Variants in HSPA5 observed in about 807,000 individuals in gnomAD.
The protein encoded by HSPA5 is heat shock protein family A (Hsp70) member 5.
Under a neutral mutation model 49.5 loss-of-function variants are expected in HSPA5, and 16 were observed. That is an observed-to-expected ratio of 0.32 (90% CI 0.22 to 0.49). The LOEUF (loss-of-function observed/expected upper bound fraction) is 0.49. Among genes scored for constraint, HSPA5 ranks in the 20% least tolerant of loss-of-function variants. The probability of loss-of-function intolerance (pLI) is 0.99; values close to 1 mark genes in which losing one functional copy is unlikely to be tolerated. For missense variants in HSPA5, 376 were observed against 819.0 expected, an observed-to-expected ratio of 0.46 and a Z score of 6.60; for synonymous variants, 271 against 307.2, an observed-to-expected ratio of 0.88 and a Z score of 1.23.
rs768167536 is a variant in HSPA5, at chr9:125,237,075, G to A, written c.1482C>T (p.Val494=). The change falls in exon 8 of 8, where the codon GTC becomes GTT. Residue 494 remains valine (V), a synonymous_variant. Coordinates refer to ENST00000324460, the MANE Select transcript of HSPA5 (RefSeq NM_005347.5). The part of the protein sequence containing the change: ...LTGIPPAPRG[V]PQIEVTFEID... ...TCTCAAAGGTGACTTCAATCTGTGG[G>A]ACCCCACGAGGAGCAGGAGGAATTC... 13 of 1,613,668 alleles carry A rather than the reference G, an allele frequency of 8.1e-6. No homozygotes were observed. The South Asian group carries it at 1.1e-4, about 14-fold the overall frequency.
Position 125,236,959 on chromosome 9 carries a change from A to G in HSPA5, c.1598T>C (p.Leu533Pro). ...CATCCTTTCGATTTCTTCAGGTGTC[A>G]GGCGATTCTGGTCATTGGTGATTGT... ...KITITNDQNR[L>P]TPEEIERMVN... The change falls in exon 8 of 8, where the codon CTG (leucine) becomes CCG (proline). Residue 533 changes from leucine (L) to proline (P), a missense_variant. Around this residue, in one of 8 missense-constraint regions of HSPA5, gnomAD observed 71 missense variants for 169.9 expected, o/e 0.42. Coordinates refer to ENST00000324460, the MANE Select transcript of HSPA5 (RefSeq NM_005347.5). The G allele has an allele frequency of 6.2e-7, 1 of 1,613,948 alleles. No individual in the cohort carries two copies. The highest frequency in any genetic ancestry group is 8.5e-7 in the Non-Finnish European group (1 of 1,179,850).
At position 125,239,220 on chromosome 9, in the gene HSPA5, A is replaced by G. The variant is rs1174267521; in HGVS notation, c.717T>C (p.Asn239=). Residue 239 remains asparagine (N), a synonymous_variant, in exon 5 of 8, where the codon AAT becomes AAC. Transcript: ENST00000324460. The surrounding 1 kb of genome is among the most constrained non-coding windows in gnomAD (Gnocchi z 5.5). ...TAGTGGCCACAACTTCGAAGACACC[A>G]TTGTCAATGGTGAGAAGAGACACAT... The part of the protein sequence containing the change: ...TFDVSLLTID[N]GVFEVVATNG... 6.8e-6 allele frequency: 11 copies of G among 1,613,986 alleles called. No individual in the cohort carries two copies. Among genetic ancestry groups the G allele is most frequent in the Non-Finnish European group, 9.3e-6 (11 of 1,180,024 alleles).
chr9:125,236,109 G>C lies in HSPA5; in HGVS notation c.*483C>G, dbSNP rs1832490150. On this transcript the variant is annotated 3_prime_UTR_variant, in exon 8 of 8. Transcript: ENST00000324460. ...AAAAAAAAAAAAAAAATCCCTGGAA[G>C]CATTAAATAGAAGTGTTTCCTTATC... 1 of 150,316 alleles carries C rather than the reference G, an allele frequency of 6.7e-6. No homozygotes were observed. The highest frequency in any genetic ancestry group is 2.5e-5 in the African/African-American group (1 of 40,646). 9.3% of individuals were successfully genotyped at this position (150,316 alleles called of 1,614,324 possible).
At position 125,241,088 on chromosome 9, in the gene HSPA5, G is replaced by A. The variant is rs745700143; in HGVS notation, c.39C>T (p.Leu13=). 4.3e-6 allele frequency: 7 copies of A among 1,613,348 alleles called. No homozygotes were observed. The East Asian group carries it at 6.7e-5, about 15-fold the overall frequency. Residue 13 remains leucine, a synonymous_variant, in exon 1 of 8, where the codon CTC becomes CTT. Transcript: ENST00000324460. ...CCTCCTCCTCGGCCCGCGCCGCGCT[G>A]AGCAGCAGCAGCATCGCGGCCACCA... The part of the protein sequence containing the change: ...LSLVAAMLLL[L]SAARAEEEDK...
Position 125,235,788 on chromosome 9 carries a change from T to TC in HSPA5, c.*803dup, listed in dbSNP as rs1832482607. 1.3e-5 allele frequency: 2 copies of TC among 151,900 alleles called. No individual in the cohort carries two copies. The highest frequency in any genetic ancestry group is 1.3e-4 in the Admixed American group (2 of 15,204). The allele number at this position is 151,900 out of a possible 1,614,324, so 9.4% of individuals were successfully genotyped here. A position where few individuals can be genotyped will look rare whatever the true frequency, so the allele number is the denominator to read the frequency against. ...AAAGTTAATACCAGTGATCACTCAC[T>TC]CCCCATCATTTCTCAGAGAATCCAA... is the stretch of plus-strand genomic sequence containing the variant. On this transcript the variant is annotated 3_prime_UTR_variant, in exon 8 of 8. Coordinates refer to ENST00000324460, the MANE Select transcript of HSPA5 (RefSeq NM_005347.5).
In HSPA5 at chr9:125,240,963, G is replaced by A; in HGVS notation, c.122+42C>T. The A allele has an allele frequency of 6.2e-7, 1 of 1,611,458 alleles. No individual in the cohort carries two copies. Among genetic ancestry groups the A allele is most frequent in the Non-Finnish European group, 8.5e-7 (1 of 1,178,130 alleles). The stretch of plus-strand genomic sequence containing the variant: ...GCACCGCACTTCTCACGCCAGGCCA[G>A]GCGGCCACGCCCCGTCCCCCTGCAT... On this transcript the variant is annotated intron_variant, in intron 1 of 7. Coordinates refer to ENST00000324460, the MANE Select transcript of HSPA5 (RefSeq NM_005347.5). The surrounding 1 kb of genome is among the most constrained non-coding windows in gnomAD (Gnocchi z 4.4).
Position 125,239,569 on chromosome 9 carries a change from A to C in HSPA5, c.493-36T>G. On this transcript the variant is annotated intron_variant, in intron 3 of 7. Coordinates refer to ENST00000324460, the MANE Select transcript of HSPA5 (RefSeq NM_005347.5). The surrounding 1 kb of genome is among the most constrained non-coding windows in gnomAD (Gnocchi z 5.5). ...AAAAGATAATTAAGTGTATTGTCAC[A>C]TAGTTTAACCCTTATTTAAATTACA... 2 of 1,502,414 alleles carry C rather than the reference A, an allele frequency of 1.3e-6. No homozygotes were observed. The highest frequency in any genetic ancestry group is 1.9e-6 in the Non-Finnish European group (2 of 1,079,240). 93.1% of individuals were successfully genotyped at this position (1,502,414 alleles called of 1,614,324 possible). A position where few individuals can be genotyped will look rare whatever the true frequency, so the allele number is the denominator to read the frequency against.
At position 125,236,619 on chromosome 9, in the gene HSPA5, CTCT is replaced by C; in HGVS notation, c.1935_1937del (p.Glu646del). 1 of 1,608,798 alleles carries C rather than the reference CTCT, an allele frequency of 6.2e-7. No homozygotes were observed. The highest frequency in any genetic ancestry group is 8.5e-7 in the Non-Finnish European group (1 of 1,178,138). ...ACAACTCATCTTTTTCTGCTGTATCCTCTTCACCAGTTGGGGGAGGGCCTGCAC... is the reference window on the plus strand; with the variant it reads ...ACAACTCATCTTTTTCTGCTGTATCCTCACCAGTTGGGGGAGGGCCTGCAC... On this transcript the variant is annotated inframe_deletion, in exon 8 of 8. Coordinates refer to ENST00000324460, the MANE Select transcript of HSPA5 (RefSeq NM_005347.5).
At chr9:125,237,930 C>T (rs1426928101) in intron 7 of HSPA5, among the ~76,000 whole-genome samples, 1 of 152,014 alleles carries the variant, frequency 6.6e-6, no homozygotes, top group Non-Finnish European at 1.5e-5. Context: ...GGTGAAACCC[C>T]ATCTCTACTA....
At chr9:125,238,031 G>A in intron 7 of HSPA5, 110 bp downstream of exon 7, 2 of 800,682 alleles carry the variant, frequency 2.5e-6, no homozygotes, top group South Asian at 3.3e-5. Flanking sequence ...GAACCCGGGA[G>A]ACAGAATTTG....
Position 125,238,503 on chromosome 9 carries a change from A to C in HSPA5, c.1234+87T>G, listed in dbSNP as rs1044935038. Reference sequence around the variant, plus strand: ...TACTAGCTGTGTGACCTTGTTGCTCATATTCTGGTATTTTCTAAAGCAATA... The same window carrying C: ...TACTAGCTGTGTGACCTTGTTGCTCCTATTCTGGTATTTTCTAAAGCAATA... On this transcript the variant is annotated intron_variant, in intron 6 of 7. Coordinates refer to ENST00000324460, the MANE Select transcript of HSPA5 (RefSeq NM_005347.5). 5.1e-6 allele frequency: 6 copies of C among 1,175,978 alleles called. No homozygotes were observed. In the African/African-American group the frequency reaches 7.6e-5, roughly 15 times the overall value. The allele number at this position is 1,175,978 out of a possible 1,614,324, so 72.8% of individuals were successfully genotyped here.
Position 125,240,639 on chromosome 9 carries a change from C to G in HSPA5, c.354+37G>C. 2 of 1,543,182 alleles carry G rather than the reference C, an allele frequency of 1.3e-6. No homozygotes were observed. Among genetic ancestry groups the G allele is most frequent in the Non-Finnish European group, 1.8e-6 (2 of 1,116,908 alleles). ...TAACTCTAAATACTCCCACCACCCA[C>G]CCGTTCTCTAACTGGATGAGAAAAA... On this transcript the variant is annotated intron_variant, in intron 2 of 7. Coordinates refer to ENST00000324460, the MANE Select transcript of HSPA5 (RefSeq NM_005347.5). This position sits in a 1 kb window ranked among gnomAD's most constrained non-coding sequence, Gnocchi z 4.4.
At chr9:125,238,911 C>T in intron 5 of HSPA5, 30 bp downstream of exon 5, 1 of 1,602,528 alleles carries the variant, frequency 6.2e-7, no homozygotes, top group Non-Finnish European at 8.5e-7. Flanking sequence ...AAGGAGATCT[C>T]ATTAGCAAAG....
rs1258179392 is a variant in HSPA5, at chr9:125,241,231, G to T, written c.-105C>A. On this transcript the variant is annotated 5_prime_UTR_variant, in exon 1 of 8. Coordinates refer to ENST00000324460, the MANE Select transcript of HSPA5 (RefSeq NM_005347.5). Reference sequence around the variant, plus strand: ...GGCGGCAGGGGCCCGGGGTCACAAGGCGCCACGAACCAGGCGAAGGGCAGG... The same window carrying T: ...GGCGGCAGGGGCCCGGGGTCACAAGTCGCCACGAACCAGGCGAAGGGCAGG... 1 of 1,403,160 alleles carries T rather than the reference G, an allele frequency of 7.1e-7. No homozygotes were observed. The highest frequency in any genetic ancestry group is 9.6e-7 in the Non-Finnish European group (1 of 1,038,788). 86.9% of individuals were successfully genotyped at this position (1,403,160 alleles called of 1,614,324 possible).
In HSPA5 at chr9:125,241,333, T is replaced by C; in HGVS notation, c.-207A>G. 1.7e-6 allele frequency: 1 copy of C among 602,930 alleles called. No individual in the cohort carries two copies. Among genetic ancestry groups the C allele is most frequent in the Non-Finnish European group, 2.8e-6 (1 of 353,270 alleles). The allele number at this position is 602,930 out of a possible 1,614,324, so 37.3% of individuals were successfully genotyped here. A position where few individuals can be genotyped will look rare whatever the true frequency, so the allele number is the denominator to read the frequency against. Reference sequence around the variant, plus strand: ...ATAGGTCAATCTGTCTGTGCTGTCTTGGCCGGCGTCGACCTCACCGTCGCC... The same window carrying C: ...ATAGGTCAATCTGTCTGTGCTGTCTCGGCCGGCGTCGACCTCACCGTCGCC... On this transcript the variant is annotated 5_prime_UTR_variant, in exon 1 of 8. Coordinates refer to ENST00000324460, the MANE Select transcript of HSPA5 (RefSeq NM_005347.5).
chr9:125,240,143 A>T lies in HSPA5; in HGVS notation c.492+29T>A. On this transcript the variant is annotated intron_variant, in intron 3 of 7. Transcript: ENST00000324460. This position sits in a 1 kb window ranked among gnomAD's most constrained non-coding sequence, Gnocchi z 4.4. The stretch of plus-strand genomic sequence containing the variant: ...AACCGAGAATACTAATGATCAAAAA[A>T]TACTTAACATTGTTCTAGAAATATT... 1 of 1,563,108 alleles carries T rather than the reference A, an allele frequency of 6.4e-7. No individual in the cohort carries two copies. Among genetic ancestry groups the T allele is most frequent in the Non-Finnish European group, 8.7e-7 (1 of 1,153,112 alleles).
chr9:125,236,325 T>C lies in HSPA5; in HGVS notation c.*267A>G. 7.7e-6 allele frequency: 3 copies of C among 392,052 alleles called. No individual in the cohort carries two copies. The highest frequency in any genetic ancestry group is 4.1e-5 in the Admixed American group (1 of 24,110). 24.3% of individuals were successfully genotyped at this position (392,052 alleles called of 1,614,324 possible). Reference sequence around the variant, plus strand: ...AGATGCACATGACCCAGTTGTTAAATAGAACATTTTGAAGGTGAACACACA... The same window carrying C: ...AGATGCACATGACCCAGTTGTTAAACAGAACATTTTGAAGGTGAACACACA... On this transcript the variant is annotated 3_prime_UTR_variant, in exon 8 of 8. Coordinates refer to ENST00000324460, the MANE Select transcript of HSPA5 (RefSeq NM_005347.5).
chr9:125,241,263 A>T lies in HSPA5; in HGVS notation c.-137T>A. On this transcript the variant is annotated 5_prime_UTR_variant, in exon 1 of 8. Transcript: ENST00000324460. ...GAACCAGGCGAAGGGCAGGTCTAGA[A>T]ATACAGGCCGCGGCGCTTCCCTCTC... The T allele has an allele frequency of 5.1e-6, 5 of 971,634 alleles. No individual in the cohort carries two copies. In the South Asian group the frequency reaches 6.3e-5, roughly 12 times the overall value. The allele number at this position is 971,634 out of a possible 1,614,324, so 60.2% of individuals were successfully genotyped here. A position where few individuals can be genotyped will look rare whatever the true frequency, so the allele number is the denominator to read the frequency against.
At chr9:125,238,373 C>G (rs1197924096) in intron 6 of HSPA5, 65 bp from the exon 7 acceptor site, 1 of 1,434,098 alleles carries the variant, frequency 7.0e-7, no homozygotes, top group Non-Finnish European at 9.7e-7. Flanking sequence ...AAGTTTATCT[C>G]TCTAACATTT....
Sources: gnomAD v4.1 joint callset for allele counts (sites outside exome capture counted in the v4.1 genomes callset) on GRCh38, gnomAD v4.1.1 for gene constraint, gnomAD v4.1.1 regional missense constraint, Gnocchi (gnomAD v3.1) non-coding constraint, MANE v1.5 for transcripts, NCBI Gene and HGNC (gene_info 2026-07-23, HGNC 2026-07-21) for gene names.